The following WBP4 variants were observed in gnomAD, a reference collection of about 807,000 sequenced individuals.
WBP4 encodes the protein WW domain-binding protein 4.
A neutral mutation model predicts 55.4 loss-of-function variants in WBP4; 37 were observed. The ratio of observed to expected loss-of-function variants is 0.67; its 90% CI spans 0.51 to 0.88. The LOEUF (loss-of-function observed/expected upper bound fraction) is 0.88. Ranked by LOEUF, WBP4 falls within the 40% of genes least tolerant of loss-of-function variation. The pLI, the probability that WBP4 is intolerant of heterozygous loss-of-function variation, is 0.00. For synonymous variants in WBP4, 142 were observed against 140.2 expected (o/e 1.01, Z -0.09); for missense variants, 398 against 420.8 (o/e 0.95, Z 0.47).
At chr13:41,074,793 G>A (rs1052057284) in intron 7 of WBP4, among the ~76,000 whole-genome samples, 1 of 152,082 alleles carries the variant, frequency 6.6e-6, no homozygotes. Flanking sequence ...TCAGGAGCTC[G>A]TGACCAGCCT....
chr13:41,061,960 C>A (rs1226731831), intron 1 of WBP4: 31 of 884,980 alleles, frequency 3.5e-5, no homozygotes, highest in Non-Finnish European at 4.2e-5. Flanking sequence ...ACGCAGTGCT[C>A]TCTCTACGAC....
In WBP4 at chr13:41,065,160, A is replaced by T. The variant is rs776722792; in HGVS notation, c.139-4A>T. 83 of 1,609,946 alleles carry T rather than the reference A, an allele frequency of 5.2e-5. No homozygotes were observed. Among genetic ancestry groups the T allele is most frequent in the Non-Finnish European group, 6.4e-5 (76 of 1,178,928 alleles). ...ACTTTCACTGTTATGTATGTCTTAC[A>T]TAGATTAAACAGAAAAGCCTGGATA... On this transcript the variant is annotated splice_polypyrimidine_tract_variant and splice_region_variant and intron_variant, in intron 3 of 9. Transcript: ENST00000379487.
chr13:41,080,932 A>T (rs1878748407), intron 9 of WBP4, 123 bp downstream of exon 9: 2 of 1,060,306 alleles, frequency 1.9e-6, no homozygotes, highest in Non-Finnish European at 1.4e-6. Flanking sequence ...TTGAGGCCAG[A>T]TGCACCCCTG....
intron 7 of WBP4, among the ~76,000 whole-genome samples, chr13:41,075,280 A>G (rs1166336074): frequency 1.3e-5 from 2 of 152,132 alleles, no homozygotes; most frequent in Admixed American, 6.6e-5. Flanking sequence ...TGAGATTCCC[A>G]TTGCTGCCCC....
chr13:41,068,428 C>T, intron 4 of WBP4, 133 bp from the exon 5 acceptor site: 1 of 806,996 alleles, frequency 1.2e-6, no homozygotes, highest in Non-Finnish European at 1.7e-6. Flanking sequence ...TCCGAATGAA[C>T]TTTATAATAA....
At chr13:41,062,065 C>T in intron 1 of WBP4, 1 of 974,754 alleles carries the variant, frequency 1.0e-6, no homozygotes, top group African/African-American at 1.8e-5. Context: ...CCCCCGCCCA[C>T]TGGAAGCGGC....
rs9562271 is a variant in WBP4 at position 41,074,565 on chromosome 13, A to G, written c.563-1479A>G. On this transcript the variant is annotated intron_variant, in intron 7 of 9. Coordinates refer to ENST00000379487, the MANE Select transcript of WBP4 (RefSeq NM_007187.5). The stretch of plus-strand genomic sequence containing the variant: ...ATGCACAGCTTCTTTCCTTACCAGC[A>G]ATGTGACTGTGGGTGTTACTGAGCC... Among the ~76,000 whole-genome samples the G allele has an allele frequency of 2.7e-3, 418 of 152,348 alleles. 8 individuals are homozygous for G. In the East Asian group the frequency reaches 0.049, roughly 18 times the overall value.
chr13:41,082,503 A>G (rs1878826062), intron 9 of WBP4, among the ~76,000 whole-genome samples: 2 of 152,148 alleles, frequency 1.3e-5, no homozygotes, highest in Non-Finnish European at 2.9e-5. Flanking sequence ...AAATTAATAC[A>G]TAGAACTTCT....
rs1247282462 is a variant in WBP4 at position 41,080,309 on chromosome 13, A to C, written c.757-337A>C. Reference sequence around the variant, plus strand: ...GCCGCCTCCCAGAAGAATTCAACAGAGCCACAATTATAAAGGGAGTCACTG... The same window carrying C: ...GCCGCCTCCCAGAAGAATTCAACAGCGCCACAATTATAAAGGGAGTCACTG... On this transcript the variant is annotated intron_variant, in intron 8 of 9. Transcript: ENST00000379487. Among the ~76,000 whole-genome samples the C allele has an allele frequency of 5.9e-5, 9 of 152,220 alleles. No individual in the cohort carries two copies. In the East Asian group the frequency reaches 1.5e-3, roughly 26 times the overall value.
intron 2 of WBP4, 22 bp from the exon 3 acceptor site, chr13:41,064,991 GTTA>G (rs1336333342): frequency 3.9e-6 from 6 of 1,529,572 alleles, no homozygotes; most frequent in Admixed American, 2.4e-5. Context: ...GTTTTCTTTT[GTTA>G]TTTTCTCTTT....
rs1878892387 is a variant in WBP4 at position 41,083,805 on chromosome 13, TTC to T, written c.*893_*894del. 6.6e-6 allele frequency: 1 copy of T among 152,218 alleles called. No individual in the cohort carries two copies. The highest frequency in any genetic ancestry group is 2.4e-5 in the African/African-American group (1 of 41,464). The allele number at this position is 152,218 out of a possible 1,614,324, so 9.4% of individuals were successfully genotyped here. ...TTACTTAAATTAGTAATTTCTCACT[TTC>T]TGTCTGGTTAAAATGTCTTAAAAAG... On this transcript the variant is annotated 3_prime_UTR_variant, in exon 10 of 10. Transcript: ENST00000379487.
chr13:41,076,258 C>G (rs1273756207), intron 8 of WBP4, 21 bp downstream of exon 8: 1 of 1,060,990 alleles, frequency 9.4e-7, no homozygotes. Context: ...AAATTTTACT[C>G]TTCACATCAA....
intron 1 of WBP4, 25 bp downstream of exon 1, chr13:41,061,700 C>T: frequency 6.2e-7 from 1 of 1,613,958 alleles, no homozygotes; most frequent in Non-Finnish European, 8.5e-7. Flanking sequence ...AGGCCCTGAA[C>T]AACGAGGTGT....
In WBP4 at chr13:41,064,973, T is replaced by G. The variant is rs114269821; in HGVS notation, c.76-43T>G. 1.1e-5 allele frequency: 16 copies of G among 1,490,124 alleles called. No homozygotes were observed. In the African/African-American group the frequency reaches 2.1e-4, roughly 20 times the overall value. 92.3% of individuals were successfully genotyped at this position (1,490,124 alleles called of 1,614,324 possible). Reference sequence around the variant, plus strand: ...TATGTTTACTATGAATTTTATGATGTTTATGTAGTTTTCTTTTGTTATTTT... The same window carrying G: ...TATGTTTACTATGAATTTTATGATGGTTATGTAGTTTTCTTTTGTTATTTT... On this transcript the variant is annotated intron_variant, in intron 2 of 9. Coordinates refer to ENST00000379487, the MANE Select transcript of WBP4 (RefSeq NM_007187.5).
Position 41,083,079 on chromosome 13 carries a change from T to C in WBP4, c.*165T>C. ...ATATTTTTTCATGTGAAATTTATTT[T>C]GGTTCCTAAAATGGAAGCCTACCAC... On this transcript the variant is annotated 3_prime_UTR_variant, in exon 10 of 10. Coordinates refer to ENST00000379487, the MANE Select transcript of WBP4 (RefSeq NM_007187.5). 1 of 754,800 alleles carries C rather than the reference T, an allele frequency of 1.3e-6. No individual in the cohort carries two copies. Among genetic ancestry groups the C allele is most frequent in the Non-Finnish European group, 2.0e-6 (1 of 490,978 alleles). The allele number at this position is 754,800 out of a possible 1,614,324, so 46.8% of individuals were successfully genotyped here.
chr13:41,081,236 C>T (rs1347441006), intron 9 of WBP4, among the ~76,000 whole-genome samples: 3 of 151,768 alleles, frequency 2.0e-5, no homozygotes, highest in African/African-American at 4.8e-5. Context: ...AGGTGGCTCA[C>T]GCCTGTAATC....
At chr13:41,075,509 G>A (rs930894125) in intron 7 of WBP4, among the ~76,000 whole-genome samples, 2 of 152,152 alleles carry the variant, frequency 1.3e-5, no homozygotes, top group African/African-American at 4.8e-5. Context: ...AGCCTCCTGA[G>A]TAGTGGGTAC....
rs1877891935 is a variant in WBP4, at chr13:41,065,069, G to T, written c.129G>T (p.Arg43Ser). Residue 43 changes from arginine to serine, a missense_variant, in exon 3 of 10, where the codon AGG (arginine) becomes AGT (serine). Physicochemically the swap from Arg to Ser is moderately radical, Grantham distance 110 (BLOSUM62 -1). Transcript: ENST00000379487. ...ATCATAAGGAAAATGTGGCAAAAAG[G>T]ATCAGTGAGGTAATTTAGATTGTTT... ...GKNHKENVAK[R>S]ISEIKQKSLD... 1.9e-6 allele frequency: 3 copies of T among 1,599,176 alleles called. No individual in the cohort carries two copies. Among genetic ancestry groups the T allele is most frequent in the African/African-American group, 1.3e-5 (1 of 74,098 alleles).
At chr13:41,080,184 CG>C (rs1292158210) in intron 8 of WBP4, among the ~76,000 whole-genome samples, 1 of 152,016 alleles carries the variant, frequency 6.6e-6, no homozygotes, top group East Asian at 1.9e-4. Context: ...GTAAGAAATA[CG>C]CATTTGTGCC....
Sources: gnomAD v4.1 joint callset for allele counts (sites outside exome capture counted in the v4.1 genomes callset) on GRCh38, gnomAD v4.1.1 for gene constraint, MANE v1.5 for transcripts, NCBI Gene and HGNC (gene_info 2026-07-23, HGNC 2026-07-21) for gene names.